HOOK3: variants seen among roughly 807,000 people sequenced by gnomAD.
HOOK3 encodes hook microtubule tethering protein 3.
In HOOK3, 24 loss-of-function variants were observed where a neutral mutation model predicts 116.3. The observed-to-expected ratio is 0.21, with a 90% confidence interval of 0.15 to 0.29. The LOEUF is 0.29. HOOK3 is among the 10% of genes least tolerant of loss of function. The pLI, the probability that HOOK3 is intolerant of heterozygous loss-of-function variation, is 1.00. For missense variants in HOOK3, 632 were observed against 830.2 expected (o/e 0.76, Z 2.93); for synonymous variants, 275 against 283.0 (o/e 0.97, Z 0.28).
At chr8:42,912,783 C>T (rs1223596159) in intron 2 of HOOK3, among the ~76,000 whole-genome samples, 6 of 152,182 alleles carry the variant, frequency 3.9e-5, no homozygotes, top group African/African-American at 9.7e-5. Flanking sequence ...CCGTCGTTAA[C>T]GTTAGTGTTC....
intron 13 of HOOK3, among the ~76,000 whole-genome samples, chr8:42,979,731 G>A (rs538876401): frequency 1.3e-5 from 2 of 151,996 alleles, no homozygotes; most frequent in African/African-American, 2.4e-5. Flanking sequence ...ACTCTCCTTC[G>A]TTATTCTCTT....
intron 16 of HOOK3, chr8:42,997,887 T>C (rs1456715740): frequency 2.6e-6 from 1 of 382,852 alleles, no homozygotes; most frequent in Non-Finnish European, 4.9e-6. Flanking sequence ...TAATTGAGGC[T>C]TTATGTTTTA....
At chr8:42,941,829 C>T (rs1178698102) in intron 4 of HOOK3, among the ~76,000 whole-genome samples, 1 of 152,108 alleles carries the variant, frequency 6.6e-6, no homozygotes, top group African/African-American at 2.4e-5. Context: ...ATCAAGTGCA[C>T]TCCTACCTGA....
At chr8:42,900,155 A>T (rs142871238) in intron 1 of HOOK3, among the ~76,000 whole-genome samples, 1 of 152,200 alleles carries the variant, frequency 6.6e-6, no homozygotes, top group Non-Finnish European at 1.5e-5. Context: ...AAAAGAGTTA[A>T]GTATCATCTT....
At chr8:43,009,810 T>C (rs1809569483) in intron 18 of HOOK3, among the ~76,000 whole-genome samples, 1 of 152,184 alleles carries the variant, frequency 6.6e-6, no homozygotes, top group South Asian at 2.1e-4. Flanking sequence ...CATTAAACAA[T>C]AACTCTCCCT....
chr8:43,013,133 A>G lies in HOOK3; in HGVS notation c.1922A>G (p.Asp641Gly). 1 of 1,610,040 alleles carries G rather than the reference A, an allele frequency of 6.2e-7. No homozygotes were observed. The highest frequency in any genetic ancestry group is 8.5e-7 in the Non-Finnish European group (1 of 1,176,514). Reference protein sequence around the residue: ...QALKNQLQERDRLFHSLEKEY... With the variant: ...QALKNQLQERGRLFHSLEKEY... ...CTTAAAAATCAGCTCCAGGAACGAGACCGACTGTTCCACTCATTAGAGGTA... is the reference window on the plus strand; with the variant it reads ...CTTAAAAATCAGCTCCAGGAACGAGGCCGACTGTTCCACTCATTAGAGGTA... The change falls in exon 20 of 22, where the codon GAC (aspartate) becomes GGC (glycine). Residue 641 changes from aspartate (D) to glycine (G), a missense_variant. Transcript: ENST00000307602.
At chr8:42,897,247 C>G in intron 1 of HOOK3, 59 bp downstream of exon 1, 3 of 1,152,732 alleles carry the variant, frequency 2.6e-6, no homozygotes, top group Non-Finnish European at 3.3e-6. Flanking sequence ...TACCGGGACC[C>G]TCCACGCGCG....
chr8:42,913,431 G>A (rs868617167), intron 2 of HOOK3, among the ~76,000 whole-genome samples: 1 of 152,262 alleles, frequency 6.6e-6, no homozygotes, highest in African/African-American at 2.4e-5. Context: ...GTATAATTTT[G>A]TGATTCATTC....
In HOOK3 at chr8:43,013,829, T is replaced by A. The variant is rs372635552; in HGVS notation, c.2016+429T>A. Among the ~76,000 whole-genome samples the A allele has an allele frequency of 9.8e-5, 15 of 152,324 alleles. No homozygotes were observed. In the East Asian group the frequency reaches 1.2e-3, roughly 12 times the overall value. On this transcript the variant is annotated intron_variant, in intron 21 of 21. Transcript: ENST00000307602. ...GTCAGACCCTGAACCACTGCAGGTT[T>A]TGAAATTGAATATCCCAACACAAAA...
intron 17 of HOOK3, among the ~76,000 whole-genome samples, chr8:43,007,413 G>A (rs886997207): frequency 3.6e-4 from 55 of 152,228 alleles, no homozygotes; most frequent in African/African-American, 1.1e-3. Context: ...CATTGTTACC[G>A]CTTTGACTTC....
At chr8:42,988,162 A>T (rs1809083969) in intron 15 of HOOK3, among the ~76,000 whole-genome samples, 1 of 152,224 alleles carries the variant, frequency 6.6e-6, no homozygotes, top group Non-Finnish European at 1.5e-5. Context: ...AAAATTTTAC[A>T]TCAACTCTGA....
chr8:42,992,643 G>T (rs1471296725), intron 15 of HOOK3, among the ~76,000 whole-genome samples: 2 of 149,824 alleles, frequency 1.3e-5, no homozygotes, highest in African/African-American at 4.9e-5. Flanking sequence ...TTGAATGCAG[G>T]AGGTGGAGGT....
intron 19 of HOOK3, among the ~76,000 whole-genome samples, chr8:43,010,727 G>A (rs575433627): frequency 3.0e-4 from 45 of 152,270 alleles, no homozygotes; most frequent in Middle Eastern, 3.4e-3. Flanking sequence ...ATGGAGTATC[G>A]TTGTAAATAA....
At chr8:42,902,589 A>C (rs1033647619) in intron 1 of HOOK3, among the ~76,000 whole-genome samples, 6 of 151,252 alleles carry the variant, frequency 4.0e-5, no homozygotes, top group Middle Eastern at 3.4e-3. Flanking sequence ...GTATTTTCAA[A>C]CCCCCCCAGA....
At position 43,025,526 on chromosome 8, in the gene HOOK3, G is replaced by T. The variant is rs577030356; in HGVS notation, c.*7028G>T. On this transcript the variant is annotated 3_prime_UTR_variant, in exon 22 of 22. Transcript: ENST00000307602. ...TATTACATGATTATTCAGTAAAAGA[G>T]TAAACAAATATCTAATTTATTTTCT... 4.7e-6 allele frequency: 1 copy of T among 212,576 alleles called. No homozygotes were observed. The highest frequency in any genetic ancestry group is 2.3e-5 in the African/African-American group (1 of 44,246). 13.2% of individuals were successfully genotyped at this position (212,576 alleles called of 1,614,324 possible).
rs544505853 is a variant in HOOK3 at position 42,929,944 on chromosome 8, G to A, written c.217-178G>A. On this transcript the variant is annotated intron_variant, in intron 3 of 21. Coordinates refer to ENST00000307602, the MANE Select transcript of HOOK3 (RefSeq NM_032410.4). ...CATAATTTGTTTTATAAATCTCTTG[G>A]ATTATATAGTAGTACTTTTTGATGA... Among the ~76,000 whole-genome samples the A allele has an allele frequency of 8.5e-5, 13 of 152,060 alleles. No homozygotes were observed. In the East Asian group the frequency reaches 1.5e-3, roughly 18 times the overall value.
chr8:42,930,026 A>C, intron 3 of HOOK3, 96 bp from the exon 4 acceptor site: 2 of 997,388 alleles, frequency 2.0e-6, no homozygotes, highest in Non-Finnish European at 2.9e-6. Flanking sequence ...CTTTATGATT[A>C]ACTGCAGTGA....
intron 1 of HOOK3, among the ~76,000 whole-genome samples, chr8:42,902,259 A>AT (rs1807204756): frequency 6.6e-6 from 1 of 150,540 alleles, no homozygotes; most frequent in Non-Finnish European, 1.5e-5. Flanking sequence ...AGAAATGTGT[A>AT]TTCTCTCTCT....
At chr8:42,901,443 A>C (rs1010487281) in intron 1 of HOOK3, among the ~76,000 whole-genome samples, 9 of 152,152 alleles carry the variant, frequency 5.9e-5, no homozygotes, top group African/African-American at 1.4e-4. Context: ...AAAGTGTATA[A>C]TTTTTTTGGT....
Sources: allele counts gnomAD v4.1 joint callset (sites outside exome capture counted in the v4.1 genomes callset), GRCh38; gene constraint gnomAD v4.1.1; transcripts MANE v1.5; gene names NCBI Gene and HGNC (gene_info 2026-07-23, HGNC 2026-07-21).